LRFN5: variants seen among roughly 807,000 people sequenced by gnomAD.
LRFN5 encodes leucine-rich repeat and fibronectin type-III domain-containing protein 5.
In LRFN5, 24 loss-of-function variants were observed where a neutral mutation model predicts 45.6. The ratio of observed to expected loss-of-function variants is 0.53; its 90% CI spans 0.38 to 0.74. The LOEUF (loss-of-function observed/expected upper bound fraction) is 0.74, where lower values mean the gene tolerates loss of function less well. Among genes scored for constraint, LRFN5 ranks in the 30% least tolerant of loss-of-function variants. LRFN5 has a pLI of 0.00. For synonymous variants in LRFN5, 340 were observed against 313.8 expected (o/e 1.08, Z -0.88); for missense variants, 776 against 861.5 (o/e 0.90, Z 1.24).
At chr14:41,740,210 C>T (rs1566646315) in intron 1 of LRFN5, among the ~76,000 whole-genome samples, 1 of 151,918 alleles carries the variant, frequency 6.6e-6, no homozygotes, top group Non-Finnish European at 1.5e-5. Context: ...AAACTTTACC[C>T]TAATATTAAA....
At chr14:41,893,328 T>C in intron 4 of LRFN5, 1 of 959,294 alleles carries the variant, frequency 1.0e-6, no homozygotes, top group Non-Finnish European at 1.2e-6. Context: ...AAAACTTAAT[T>C]ATATAATAAT....
intron 1 of LRFN5, among the ~76,000 whole-genome samples, chr14:41,620,456 T>C (rs1228916481): frequency 6.6e-6 from 1 of 152,078 alleles, no homozygotes; most frequent in Non-Finnish European, 1.5e-5. Context: ...ATTGGTTTTG[T>C]GGTACATGTG....
At chr14:41,903,098 C>T (rs901430668) in intron 5 of LRFN5, among the ~76,000 whole-genome samples, 6 of 151,518 alleles carry the variant, frequency 4.0e-5, no homozygotes, top group Admixed American at 2.6e-4. Context: ...ATTAGCTTTC[C>T]AAAATTATTA....
chr14:41,685,277 TG>T (rs1444196837), intron 1 of LRFN5, among the ~76,000 whole-genome samples: 1 of 152,194 alleles, frequency 6.6e-6, no homozygotes, highest in Non-Finnish European at 1.5e-5. Context: ...CTATATTATC[TG>T]GCAATCTCAT....
At chr14:41,740,081 A>C (rs2138817661) in intron 1 of LRFN5, among the ~76,000 whole-genome samples, 1 of 152,266 alleles carries the variant, frequency 6.6e-6, no homozygotes, top group South Asian at 2.1e-4. Context: ...AATAAAGCCC[A>C]GGGCATGATA....
intron 1 of LRFN5, among the ~76,000 whole-genome samples, chr14:41,675,492 A>G (rs1403621029): frequency 6.6e-6 from 1 of 152,186 alleles, no homozygotes; most frequent in Non-Finnish European, 1.5e-5. Flanking sequence ...AATCGCAGGC[A>G]CTCGGCAGGC....
intron 5 of LRFN5, 88 bp downstream of exon 5, chr14:41,899,048 T>TTAC: frequency 9.7e-7 from 1 of 1,027,094 alleles, no homozygotes; most frequent in Non-Finnish European, 1.4e-6. Context: ...AGTTTGCTAA[T>TTAC]TTATGTAGCT....
chr14:41,793,089 G>A (rs1337686062), intron 2 of LRFN5, among the ~76,000 whole-genome samples: 1 of 151,110 alleles, frequency 6.6e-6, no homozygotes, highest in East Asian at 2.0e-4. Flanking sequence ...CATGGCACAT[G>A]TATACATATG....
intron 4 of LRFN5, among the ~76,000 whole-genome samples, chr14:41,898,085 A>G (rs1890996011): frequency 6.6e-6 from 1 of 152,038 alleles, no homozygotes; most frequent in Admixed American, 6.6e-5. Flanking sequence ...ATCTCCAAAG[A>G]CCATTGTATA....
chr14:41,763,033 T>C (rs1040863076), intron 1 of LRFN5, among the ~76,000 whole-genome samples: 3 of 152,176 alleles, frequency 2.0e-5, no homozygotes, highest in African/African-American at 7.2e-5. Context: ...ATGAAGGGAA[T>C]ATGTGAGATA....
chr14:41,883,897 A>G (rs1455149668), intron 2 of LRFN5, among the ~76,000 whole-genome samples: 7 of 151,972 alleles, frequency 4.6e-5, no homozygotes, highest in African/African-American at 1.5e-4. Context: ...TTCTTCTGAT[A>G]TTGCAATTAC....
At chr14:41,696,383 AG>A (rs1284619250) in intron 1 of LRFN5, among the ~76,000 whole-genome samples, 1 of 151,942 alleles carries the variant, frequency 6.6e-6, no homozygotes, top group Non-Finnish European at 1.5e-5. Flanking sequence ...CAACTTTGAA[AG>A]AAGTTCTGTT....
chr14:41,763,650 G>A (rs964322243), intron 1 of LRFN5, among the ~76,000 whole-genome samples: 1 of 152,118 alleles, frequency 6.6e-6, no homozygotes, highest in African/African-American at 2.4e-5. Flanking sequence ...AGTCTCATAA[G>A]ATGTAATGAT....
At position 41,876,277 on chromosome 14, in the gene LRFN5, C is replaced by CTTTTT. The variant is rs34291427; in HGVS notation, c.-20-10312_-20-10308dup. 6.9e-3 allele frequency among the ~76,000 whole-genome samples: 694 copies of CTTTTT among 100,542 alleles called. 6 individuals carry two copies. Among genetic ancestry groups the CTTTTT allele is most frequent in the African/African-American group, 8.4e-3 (222 of 26,352 alleles). The allele number at this position is 100,542 out of a possible 152,430, so 66.0% of individuals were successfully genotyped here. A position where few individuals can be genotyped will look rare whatever the true frequency, so the allele number is the denominator to read the frequency against. On this transcript the variant is annotated intron_variant, in intron 2 of 5. Transcript: ENST00000298119. ...GGAATGCGTAATTGTCTTTTTCTTT[C>CTTTTT]TTTTTTTTTTTTTTTTTTTTTGAGA... is the stretch of plus-strand genomic sequence containing the variant.
chr14:41,774,812 T>TA (rs1476295511), intron 2 of LRFN5, among the ~76,000 whole-genome samples: 1 of 152,130 alleles, frequency 6.6e-6, no homozygotes, highest in African/African-American at 2.4e-5. Context: ...AAAGCACACC[T>TA]ATTGGGAATG....
chr14:41,872,792 A>G (rs75048249), intron 2 of LRFN5, among the ~76,000 whole-genome samples: 14,934 of 152,296 alleles, frequency 0.098, 804 homozygotes, highest in Middle Eastern at 0.18. Context: ...TGCAATGGGT[A>G]AAAATTAGGT....
At chr14:41,689,633 G>A (rs1882275962) in intron 1 of LRFN5, among the ~76,000 whole-genome samples, 2 of 151,876 alleles carry the variant, frequency 1.3e-5, no homozygotes, top group Admixed American at 1.3e-4. Context: ...GGTGGCTCAC[G>A]CTTGTAATCC....
intron 1 of LRFN5, among the ~76,000 whole-genome samples, chr14:41,610,540 A>G (rs1249910458): frequency 6.6e-6 from 1 of 151,786 alleles, no homozygotes; most frequent in Non-Finnish European, 1.5e-5. Flanking sequence ...AGAGGAGAAC[A>G]TGATTTCCAC....
At chr14:41,727,011 T>G (rs992975654) in intron 1 of LRFN5, among the ~76,000 whole-genome samples, 1 of 152,312 alleles carries the variant, frequency 6.6e-6, no homozygotes, top group South Asian at 2.1e-4. Flanking sequence ...GGTCATAACA[T>G]CTTGGTGTTT....
Sources: gnomAD v4.1 joint callset for allele counts (sites outside exome capture counted in the v4.1 genomes callset) on GRCh38, gnomAD v4.1.1 for gene constraint, MANE v1.5 for transcripts, NCBI Gene and HGNC (gene_info 2026-07-23, HGNC 2026-07-21) for gene names.